The following CNGB3 variants were observed in gnomAD, a reference collection of about 807,000 sequenced individuals.
The protein encoded by CNGB3 is cyclic nucleotide gated channel subunit beta 3.
A neutral mutation model predicts 92.8 loss-of-function variants in CNGB3; 86 were observed. That is an observed-to-expected ratio of 0.93 (90% CI 0.78 to 1.11). The LOEUF (loss-of-function observed/expected upper bound fraction) is 1.11, where lower values mean the gene tolerates loss of function less well. Ranked by LOEUF, CNGB3 falls within the 50% of genes least tolerant of loss-of-function variation. The pLI is 0.00. For missense variants in CNGB3, 1,026 were observed against 956.8 expected (o/e 1.07, Z -0.95); for synonymous variants, 333 against 332.7 (o/e 1.00, Z -0.01).
intron 1 of CNGB3, 110 bp downstream of exon 1, chr8:86,743,389 G>T: frequency 8.4e-7 from 1 of 1,184,304 alleles, no homozygotes; most frequent in Non-Finnish European, 1.3e-6. Flanking sequence ...TGTACCAGAT[G>T]GTGCCAGGTA....
In CNGB3 at chr8:86,658,294, G is replaced by A. The variant is rs536147326; in HGVS notation, c.853-4232C>T. On this transcript the variant is annotated intron_variant, in intron 6 of 17. Coordinates refer to ENST00000320005, the MANE Select transcript of CNGB3 (RefSeq NM_019098.5). ...TTTAAAAATGCCACCATGGCCTCCCGACTCTCCAGTTCCTCCGGGATGCTT... is the reference window on the plus strand; with the variant it reads ...TTTAAAAATGCCACCATGGCCTCCCAACTCTCCAGTTCCTCCGGGATGCTT... 4.8e-4 allele frequency: 245 copies of A among 510,566 alleles called. 2 individuals are homozygous for A. The highest frequency in any genetic ancestry group is 1.2e-4 in the African/African-American group (6 of 51,170). The allele number at this position is 510,566 out of a possible 1,614,324, so 31.6% of individuals were successfully genotyped here.
chr8:86,693,327 A>G (rs907297470), intron 3 of CNGB3, among the ~76,000 whole-genome samples: 5 of 151,888 alleles, frequency 3.3e-5, no homozygotes, highest in African/African-American at 1.2e-4. Context: ...TAAGTTTTCC[A>G]AACTTTTGGA....
intron 15 of CNGB3, among the ~76,000 whole-genome samples, chr8:86,600,776 A>ATTTTTTTTTCTTTTTTTTT (rs1822281600): frequency 2.6e-5 from 1 of 38,400 alleles, no homozygotes; most frequent in African/African-American, 9.3e-5. Context: ...CGCTCGGCTA[A>ATTTTTTTTTCTTTTTTTTT]TTTTTTTTTT....
intron 3 of CNGB3, among the ~76,000 whole-genome samples, chr8:86,717,183 T>A (rs1824870996): frequency 6.6e-6 from 1 of 152,050 alleles, no homozygotes; most frequent in African/African-American, 2.4e-5. Context: ...CCTAAATATA[T>A]ATACACCTAA....
intron 3 of CNGB3, among the ~76,000 whole-genome samples, chr8:86,695,861 C>G (rs1824439507): frequency 6.6e-6 from 1 of 152,120 alleles, no homozygotes; most frequent in African/African-American, 2.4e-5. Flanking sequence ...GTGCTCTCCC[C>G]CTTCTCTTCG....
chr8:86,740,284 A>G (rs539156569), intron 1 of CNGB3, among the ~76,000 whole-genome samples: 108 of 152,354 alleles, frequency 7.1e-4, no homozygotes, highest in Non-Finnish European at 1.3e-3. Flanking sequence ...TGCACAGTCT[A>G]GAAGGGGAAA....
chr8:86,635,251 G>T (rs1016970679), intron 10 of CNGB3, among the ~76,000 whole-genome samples: 2 of 151,926 alleles, frequency 1.3e-5, no homozygotes, highest in Non-Finnish European at 2.9e-5. Context: ...GGACCTGTGG[G>T]TCTCTTTAAA....
At chr8:86,657,036 C>T (rs969291110) in intron 6 of CNGB3, among the ~76,000 whole-genome samples, 1 of 152,170 alleles carries the variant, frequency 6.6e-6, no homozygotes, top group Non-Finnish European at 1.5e-5. Context: ...ACATTTAGCC[C>T]CATTGTCCTG....
At chr8:86,579,334 T>C in intron 15 of CNGB3, 82 bp from the exon 16 acceptor site, 2 of 1,464,592 alleles carry the variant, frequency 1.4e-6, no homozygotes, top group Non-Finnish European at 1.9e-6. Context: ...GCAACTATTA[T>C]AAGTATTTAT....
chr8:86,678,349 A>G (rs1650070960), intron 3 of CNGB3, among the ~76,000 whole-genome samples: 1 of 152,204 alleles, frequency 6.6e-6, no homozygotes, highest in African/African-American at 2.4e-5. Context: ...GTATAGATAT[A>G]ACTCAACCAA....
intron 6 of CNGB3, chr8:86,657,554 G>A (rs1203892695): frequency 1.1e-5 from 5 of 472,488 alleles, no homozygotes; most frequent in South Asian, 4.9e-5. Context: ...CTCTTCTTGT[G>A]CAGGCTCCAT....
intron 6 of CNGB3, chr8:86,659,745 C>G (rs1460817706): frequency 2.4e-5 from 9 of 370,484 alleles, no homozygotes; most frequent in Non-Finnish European, 4.8e-5. Flanking sequence ...TCCCTATGGT[C>G]TGAATTTGAA....
intron 13 of CNGB3, among the ~76,000 whole-genome samples, chr8:86,611,969 G>A: frequency 6.6e-6 from 1 of 151,928 alleles, no homozygotes; most frequent in Non-Finnish European, 1.5e-5. Flanking sequence ...GATAAAAATG[G>A]TACTTATAAC....
chr8:86,614,768 A>T (rs1345934584), intron 13 of CNGB3, among the ~76,000 whole-genome samples: 1 of 152,152 alleles, frequency 6.6e-6, no homozygotes, highest in South Asian at 2.1e-4. Context: ...CCACCTAGGC[A>T]TGAGGTTGCC....
At chr8:86,612,549 C>T (rs561365336) in intron 13 of CNGB3, among the ~76,000 whole-genome samples, 1 of 152,240 alleles carries the variant, frequency 6.6e-6, no homozygotes, top group Non-Finnish European at 1.5e-5. Flanking sequence ...GGTCTGCTTC[C>T]AATTTGTGGA....
chr8:86,723,745 A>G (rs1271404894), intron 3 of CNGB3, among the ~76,000 whole-genome samples: 1 of 152,216 alleles, frequency 6.6e-6, no homozygotes. Flanking sequence ...GTGAACAACC[A>G]TCTAATAACA....
intron 3 of CNGB3, among the ~76,000 whole-genome samples, chr8:86,703,326 A>G (rs570515349): frequency 6.6e-6 from 1 of 152,304 alleles, no homozygotes; most frequent in South Asian, 2.1e-4. Context: ...GAGTTTGTCT[A>G]TTGTGTTGGT....
chr8:86,636,397 C>G (rs931428911), intron 10 of CNGB3, among the ~76,000 whole-genome samples: 5 of 151,318 alleles, frequency 3.3e-5, no homozygotes, highest in African/African-American at 1.2e-4. Context: ...CATGGTGAAA[C>G]CCCGTGTCTA....
rs1419046959 is a variant in CNGB3 at position 86,726,513 on chromosome 8, G to A, written c.338+18C>T. The A allele has an allele frequency of 6.2e-7, 1 of 1,613,406 alleles. No homozygotes were observed. The highest frequency in any genetic ancestry group is 8.5e-7 in the Non-Finnish European group (1 of 1,179,530). On this transcript the variant is annotated intron_variant, in intron 3 of 17. Coordinates refer to ENST00000320005, the MANE Select transcript of CNGB3 (RefSeq NM_019098.5). ...GCAATATCTCTAAAATATGTTGTGT[G>A]TTTTATTAAATGCTCACCTGTTTGG... is the stretch of plus-strand genomic sequence containing the variant.
Sources: allele counts gnomAD v4.1 joint callset (sites outside exome capture counted in the v4.1 genomes callset), GRCh38; gene constraint gnomAD v4.1.1; transcripts MANE v1.5; gene names NCBI Gene and HGNC (gene_info 2026-07-23, HGNC 2026-07-21).